The following DNAH6 variants were observed in gnomAD, a reference collection of about 807,000 sequenced individuals.
The protein encoded by DNAH6 is dynein axonemal heavy chain 6.
In DNAH6, 340 loss-of-function variants were observed where a neutral mutation model predicts 491.4. The observed-to-expected ratio is 0.69, with a 90% CI of 0.63 to 0.76. The LOEUF (loss-of-function observed/expected upper bound fraction) is 0.76, where lower values mean the gene tolerates loss of function less well. DNAH6 is among the 30% of genes least tolerant of loss of function. The pLI is 0.00. For missense variants in DNAH6, 4,443 were observed against 4,972.2 expected, an observed-to-expected ratio of 0.89 and a Z score of 3.20; for synonymous variants, 1,603 against 1,686.1, an observed-to-expected ratio of 0.95 and a Z score of 1.21.
At chr2:84,490,032 C>A in the DNAH6 span, among the ~76,000 whole-genome samples, 1 of 152,128 alleles carries the variant, frequency 6.6e-6, no homozygotes, top group Non-Finnish European at 1.5e-5. Flanking sequence ...CAGTGAAGAC[C>A]AATACCCCCA....
intron 62 of DNAH6, among the ~76,000 whole-genome samples, chr2:84,743,690 T>C (rs1672715549): frequency 6.6e-6 from 1 of 152,038 alleles, no homozygotes; most frequent in Non-Finnish European, 1.5e-5. Flanking sequence ...GGTGTGGTGG[T>C]GTGCACCTGT....
chr2:84,729,098 C>G (rs1006013763), intron 61 of DNAH6, among the ~76,000 whole-genome samples: 4 of 152,116 alleles, frequency 2.6e-5, no homozygotes, highest in Non-Finnish European at 5.9e-5. Context: ...TCCCTGACCC[C>G]CATCCATCTT....
At chr2:84,665,630 T>TC (rs1692043346) in intron 37 of DNAH6, among the ~76,000 whole-genome samples, 1 of 152,066 alleles carries the variant, frequency 6.6e-6, no homozygotes, top group African/African-American at 2.4e-5. Flanking sequence ...CGAAAAAAAG[T>TC]CCAGGACCAG....
At chr2:84,548,794 C>T (rs1035280828) in intron 8 of DNAH6, among the ~76,000 whole-genome samples, 1 of 152,184 alleles carries the variant, frequency 6.6e-6, no homozygotes, top group Non-Finnish European at 1.5e-5. Flanking sequence ...GAGCATGAGG[C>T]CAAGGCCAAG....
chr2:84,759,924 G>A (rs1368714946), intron 63 of DNAH6, among the ~76,000 whole-genome samples: 1 of 152,066 alleles, frequency 6.6e-6, no homozygotes, highest in Non-Finnish European at 1.5e-5. Context: ...TATATTACAA[G>A]GCTATAGTAA....
At chr2:84,732,184 A>C (rs1472518719) in intron 61 of DNAH6, among the ~76,000 whole-genome samples, 1 of 152,194 alleles carries the variant, frequency 6.6e-6, no homozygotes, top group Admixed American at 6.5e-5. Context: ...GTGCATGCTC[A>C]GAGTTGCTAC....
chr2:84,585,616 G>T (rs1157456473), intron 15 of DNAH6, among the ~76,000 whole-genome samples: 2 of 152,092 alleles, frequency 1.3e-5, no homozygotes, highest in Non-Finnish European at 2.9e-5. Flanking sequence ...GGCCTGGAGA[G>T]GGTAGCTCCC....
chr2:84,559,476 G>A (rs77732883), intron 11 of DNAH6, among the ~76,000 whole-genome samples: 4,372 of 152,244 alleles, frequency 0.029, 226 homozygotes, highest in African/African-American at 0.099. Flanking sequence ...GAGCTCCAGC[G>A]GCAAAGGCTG....
chr2:84,542,979 T>C (rs948276649), intron 4 of DNAH6, among the ~76,000 whole-genome samples: 1 of 151,992 alleles, frequency 6.6e-6, no homozygotes, highest in African/African-American at 2.4e-5. Context: ...GTCAACATGG[T>C]GAAACCCTAT....
At chr2:84,563,123 T>G (rs982231580) in intron 11 of DNAH6, among the ~76,000 whole-genome samples, 13 of 152,202 alleles carry the variant, frequency 8.5e-5, no homozygotes, top group Middle Eastern at 3.2e-3. Flanking sequence ...TCTGCCATGA[T>G]TGTGAGGCCT....
intron 42 of DNAH6, among the ~76,000 whole-genome samples, chr2:84,682,707 A>G (rs968654358): frequency 6.6e-6 from 1 of 152,102 alleles, no homozygotes; most frequent in Non-Finnish European, 1.5e-5. Context: ...GCAATCCACA[A>G]ATAGTCCTGA....
Position 84,697,594 on chromosome 2 carries a change from T to C in DNAH6, c.7544T>C (p.Leu2515Pro). The change falls in exon 47 of 77, where the codon CTA becomes CCA. Residue 2515 changes from leucine to proline, a missense_variant. Leu to Pro is a moderately conservative substitution (Grantham distance 98). This residue lies in a region of DNAH6 where 2,977 missense variants were observed against 3,296.6 expected (regional missense o/e 0.90). Transcript: ENST00000389394. ...TDTQIVVEEFLEDINNILNSG... is the reference protein window; with the variant it reads ...TDTQIVVEEFPEDINNILNSG... The stretch of plus-strand genomic sequence containing the variant: ...CTACAGATTGTAGTGGAGGAGTTCC[T>C]AGAAGATATAAATAACATCCTGAAC... 1 of 1,551,882 alleles carries C rather than the reference T, an allele frequency of 6.4e-7. No homozygotes were observed. Among genetic ancestry groups the C allele is most frequent in the South Asian group, 1.2e-5 (1 of 84,048 alleles).
At chr2:84,489,323 G>C in the DNAH6 span, among the ~76,000 whole-genome samples, 1 of 152,014 alleles carries the variant, frequency 6.6e-6, no homozygotes, top group Admixed American at 6.6e-5. Flanking sequence ...TCTTGAGAAA[G>C]ACATAGGAGT....
the DNAH6 span, among the ~76,000 whole-genome samples, chr2:84,487,326 A>C: frequency 6.6e-6 from 1 of 152,210 alleles, no homozygotes; most frequent in African/African-American, 2.4e-5. Context: ...TGCTACATAA[A>C]TATAGGATAT....
At chr2:84,684,524 A>G (rs1694094757) in intron 42 of DNAH6, among the ~76,000 whole-genome samples, 1 of 152,246 alleles carries the variant, frequency 6.6e-6, no homozygotes, top group African/African-American at 2.4e-5. Context: ...TTCAAGAAAC[A>G]TATATGTCAA....
intron 49 of DNAH6, among the ~76,000 whole-genome samples, chr2:84,701,730 G>A (rs1157418072): frequency 1.3e-5 from 2 of 152,126 alleles, no homozygotes; most frequent in African/African-American, 2.4e-5. Flanking sequence ...GCACCAAAGG[G>A]AGGATGGTGG....
At position 84,808,509 on chromosome 2, in the gene DNAH6, G is replaced by A; in HGVS notation, c.11706G>A (p.Val3902=). ...TGACCACCGTTCTTGGACAGGAAGT[G>A]GACCGGTTTAACAACCTGCTGAAGT... ...NSLTTVLGQE[V]DRFNNLLKLI... The change falls in exon 72 of 77, where the codon GTG becomes GTA. Residue 3902 remains valine, a synonymous_variant. Transcript: ENST00000389394. 1.3e-6 allele frequency: 2 copies of A among 1,551,818 alleles called. No homozygotes were observed. Among genetic ancestry groups the A allele is most frequent in the African/African-American group, 1.4e-5 (1 of 73,128 alleles).
At chr2:84,503,290 C>T in the DNAH6 span, among the ~76,000 whole-genome samples, 1 of 152,146 alleles carries the variant, frequency 6.6e-6, no homozygotes, top group Non-Finnish European at 1.5e-5. Context: ...TATGCTTTAA[C>T]TTCATCCCCC....
chr2:84,608,496 C>T (rs2104316548), intron 21 of DNAH6, among the ~76,000 whole-genome samples: 1 of 152,294 alleles, frequency 6.6e-6, no homozygotes, highest in South Asian at 2.1e-4. Flanking sequence ...ACATTAAACT[C>T]CTTGTACATC....
Sources: allele counts gnomAD v4.1 joint callset (sites outside exome capture counted in the v4.1 genomes callset), GRCh38; gene constraint gnomAD v4.1.1; regional missense constraint gnomAD v4.1.1; transcripts MANE v1.5; gene names NCBI Gene and HGNC (gene_info 2026-07-23, HGNC 2026-07-21).